The following MACROH2A2 variants were observed in gnomAD, a reference collection of about 807,000 sequenced individuals.
The protein encoded by MACROH2A2 is core histone macro-H2A.2.
MACROH2A2 carries 6 observed loss-of-function variants against 37.6 expected under a neutral mutation model. The ratio of observed to expected loss-of-function variants is 0.16; its 90% confidence interval spans 0.09 to 0.32. The LOEUF (loss-of-function observed/expected upper bound fraction) is 0.32. MACROH2A2 is among the 10% of genes least tolerant of loss of function. The pLI is 1.00. For missense variants in MACROH2A2, 290 were observed against 485.9 expected (o/e 0.60, Z 3.79); for synonymous variants, 192 against 202.7 (o/e 0.95, Z 0.45).
chr10:70,066,502 CTCCCAT>C (rs1280867139), intron 1 of MACROH2A2, among the ~76,000 whole-genome samples: 2 of 152,160 alleles, frequency 1.3e-5, no homozygotes, highest in African/African-American at 2.4e-5. Flanking sequence ...GGCTAAAACA[CTCCCAT>C]TCCAAACTGG....
At chr10:70,104,483 C>G (rs1457699261) in intron 7 of MACROH2A2, among the ~76,000 whole-genome samples, 1 of 152,028 alleles carries the variant, frequency 6.6e-6, no homozygotes, top group Non-Finnish European at 1.5e-5. Context: ...TTGAGACCAG[C>G]CTGACCAACA....
chr10:70,081,068 C>CAAAAAAAAA (rs34688764), intron 2 of MACROH2A2, among the ~76,000 whole-genome samples: 2 of 45,842 alleles, frequency 4.4e-5, no homozygotes, highest in Non-Finnish European at 7.9e-5. Context: ...CCCTGTCTCT[C>CAAAAAAAAA]AAAAAAAAAA....
chr10:70,061,770 T>C (rs1455253392), intron 1 of MACROH2A2, among the ~76,000 whole-genome samples: 1 of 152,256 alleles, frequency 6.6e-6, no homozygotes, highest in Non-Finnish European at 1.5e-5. Context: ...GGATTAATGC[T>C]TGGTTCTAAC....
At chr10:70,084,215 TGTG>T (rs2072197341) in intron 2 of MACROH2A2, among the ~76,000 whole-genome samples, 2 of 152,178 alleles carry the variant, frequency 1.3e-5, no homozygotes, top group African/African-American at 4.8e-5. Flanking sequence ...TTATTGCATT[TGTG>T]TTTTTAAAAG....
At chr10:70,079,829 C>T (rs1372585553) in intron 2 of MACROH2A2, among the ~76,000 whole-genome samples, 2 of 152,196 alleles carry the variant, frequency 1.3e-5, no homozygotes, top group Admixed American at 6.5e-5. Context: ...GGAGTCAGCT[C>T]CACTCCATAA....
intron 7 of MACROH2A2, among the ~76,000 whole-genome samples, chr10:70,102,290 C>T (rs932276194): frequency 2.0e-5 from 3 of 152,096 alleles, no homozygotes; most frequent in Non-Finnish European, 1.5e-5. Context: ...TGGGTCAGCA[C>T]GTGGGAGGAG....
At chr10:70,056,668 G>T (rs1273316611) in intron 1 of MACROH2A2, among the ~76,000 whole-genome samples, 1 of 152,120 alleles carries the variant, frequency 6.6e-6, no homozygotes, top group East Asian at 1.9e-4. Flanking sequence ...GATGAAGAAG[G>T]GTAAGGGAGC....
intron 2 of MACROH2A2, among the ~76,000 whole-genome samples, chr10:70,086,181 A>G (rs530122348): frequency 7.2e-5 from 11 of 152,058 alleles, no homozygotes; most frequent in East Asian, 1.9e-4. Context: ...TGTTATTACA[A>G]ATATTTAAAT....
intron 2 of MACROH2A2, among the ~76,000 whole-genome samples, chr10:70,076,553 T>C (rs984231072): frequency 1.1e-4 from 17 of 152,146 alleles, no homozygotes; most frequent in African/African-American, 4.1e-4. Flanking sequence ...ATATCAGGGG[T>C]GCTTTTCAGA....
At chr10:70,057,379 ATGAT>A (rs1589829249) in intron 1 of MACROH2A2, among the ~76,000 whole-genome samples, 1 of 152,046 alleles carries the variant, frequency 6.6e-6, no homozygotes, top group Non-Finnish European at 1.5e-5. Context: ...AGAATGCTAA[ATGAT>A]TGATCACTCA....
intron 2 of MACROH2A2, among the ~76,000 whole-genome samples, chr10:70,079,565 G>GCGCGCACGCACACA (rs1386558755): frequency 1.6e-5 from 2 of 126,214 alleles, no homozygotes; most frequent in African/African-American, 6.5e-5. Flanking sequence ...GCGCGCGCGC[G>GCGCGCACGCACACA]CACACACACA....
At chr10:70,084,558 AC>A (rs2072199582) in intron 2 of MACROH2A2, among the ~76,000 whole-genome samples, 1 of 152,000 alleles carries the variant, frequency 6.6e-6, no homozygotes, top group Non-Finnish European at 1.5e-5. Context: ...ACAGAGCAAG[AC>A]TCCGTCTCTA....
intron 6 of MACROH2A2, among the ~76,000 whole-genome samples, chr10:70,097,373 G>T (rs993290162): frequency 2.0e-5 from 3 of 152,104 alleles, no homozygotes; most frequent in Non-Finnish European, 4.4e-5. Context: ...CACAGTGCTG[G>T]GCTCCTAGGC....
intron 1 of MACROH2A2, among the ~76,000 whole-genome samples, chr10:70,065,581 A>G (rs919342601): frequency 2.0e-5 from 3 of 152,240 alleles, no homozygotes; most frequent in African/African-American, 4.8e-5. Flanking sequence ...ATTAAAGTAC[A>G]GGATGCTATA....
rs184239494 is a variant in MACROH2A2, at chr10:70,055,210, G to C, written c.-60+2210G>C. ...CTGTCTTAGGCAACTTTAAATGAAA[G>C]GTATCTGTAACTTGTTACCGGGGAG... On this transcript the variant is annotated intron_variant, in intron 1 of 8. Transcript: ENST00000373255. 1.1e-4 allele frequency among the ~76,000 whole-genome samples: 17 copies of C among 152,242 alleles called. No homozygotes were observed. In the East Asian group the frequency reaches 1.9e-3, roughly 17 times the overall value.
At chr10:70,080,507 A>G (rs2072169792) in intron 2 of MACROH2A2, among the ~76,000 whole-genome samples, 1 of 152,086 alleles carries the variant, frequency 6.6e-6, no homozygotes, top group Non-Finnish European at 1.5e-5. Context: ...AGGCCAAAGT[A>G]GGAGGACCAC....
chr10:70,103,924 C>T (rs1564547880), intron 7 of MACROH2A2, among the ~76,000 whole-genome samples: 1 of 152,092 alleles, frequency 6.6e-6, no homozygotes, highest in African/African-American at 2.4e-5. Flanking sequence ...TTCAGACGTG[C>T]AGAAGTTGAG....
intron 1 of MACROH2A2, among the ~76,000 whole-genome samples, chr10:70,066,033 T>A (rs1432779850): frequency 2.0e-5 from 3 of 152,186 alleles, no homozygotes. Flanking sequence ...AGGCCAGATG[T>A]GGTGGCTTAT....
chr10:70,084,876 G>A (rs1224160028), intron 2 of MACROH2A2, among the ~76,000 whole-genome samples: 2 of 152,158 alleles, frequency 1.3e-5, no homozygotes, highest in Admixed American at 1.3e-4. Flanking sequence ...CCAAAGTGCT[G>A]GGACCACACC....
Sources: gnomAD v4.1 joint callset for allele counts (sites outside exome capture counted in the v4.1 genomes callset) on GRCh38, gnomAD v4.1.1 for gene constraint, MANE v1.5 for transcripts, NCBI Gene and HGNC (gene_info 2026-07-23, HGNC 2026-07-21) for gene names.